Variants in PHF2 observed in about 807,000 individuals in gnomAD.
PHF2 encodes PHD finger protein 2, also known as lysine-specific demethylase PHF2.
Under a neutral mutation model 120.5 loss-of-function variants are expected in PHF2, and 27 were observed. The ratio of observed to expected loss-of-function variants is 0.22; its 90% confidence interval spans 0.17 to 0.31. The LOEUF (loss-of-function observed/expected upper bound fraction) is 0.31, where lower values mean the gene tolerates loss of function less well. PHF2 is among the 10% of genes least tolerant of loss of function. The probability of loss-of-function intolerance (pLI) is 1.00; values close to 1 mark genes in which losing one functional copy is unlikely to be tolerated. For missense variants in PHF2, 1,024 were observed against 1,434.8 expected (o/e 0.71, Z 4.63); for synonymous variants, 568 against 592.5 (o/e 0.96, Z 0.60).
intron 14 of PHF2, among the ~76,000 whole-genome samples, chr9:93,663,978 G>A (rs764576002): frequency 1.5e-4 from 23 of 152,378 alleles, no homozygotes; most frequent in Admixed American, 4.6e-4. Context: ...TCCACCTGTA[G>A]TGTGGGTGTG....
chr9:93,602,641 G>A (rs1044831773), intron 1 of PHF2, among the ~76,000 whole-genome samples: 1 of 151,732 alleles, frequency 6.6e-6, no homozygotes, highest in Admixed American at 6.6e-5. Flanking sequence ...TTTTTTCCCA[G>A]CAAGCTCATG....
chr9:93,612,173 C>G (rs1825647469), intron 1 of PHF2, among the ~76,000 whole-genome samples: 1 of 152,220 alleles, frequency 6.6e-6, no homozygotes, highest in African/African-American at 2.4e-5. Context: ...CAGAATATTC[C>G]TCTCAGTCTC....
intron 1 of PHF2, among the ~76,000 whole-genome samples, chr9:93,629,231 G>T (rs1302671924): frequency 6.6e-6 from 1 of 152,134 alleles, no homozygotes; most frequent in Non-Finnish European, 1.5e-5. Flanking sequence ...AAAAGTATCA[G>T]AATAAAACAA....
In PHF2 at chr9:93,677,714, C is replaced by A. The variant is rs1180381161; in HGVS notation, c.*38C>A. 6 of 1,485,724 alleles carry A rather than the reference C, an allele frequency of 4.0e-6. No individual in the cohort carries two copies. The East Asian group carries it at 9.1e-5, about 22-fold the overall frequency. 92.0% of individuals were successfully genotyped at this position (1,485,724 alleles called of 1,614,324 possible). On this transcript the variant is annotated 3_prime_UTR_variant, in exon 22 of 22. Transcript: ENST00000359246. This position sits in a 1 kb window ranked among gnomAD's most constrained non-coding sequence, Gnocchi z 4.4. ...CAGGATCCTTCTGCTCCGCTCAGGA[C>A]CCCCGGAGCCCCGCGAAAACATCTG...
chr9:93,649,399 A>G (rs140519888), intron 5 of PHF2, among the ~76,000 whole-genome samples, 187 bp downstream of exon 5: 443 of 30,204 alleles, frequency 0.015, 2 homozygotes, highest in African/African-American at 0.055. Context: ...TTTTTTTTTT[A>G]TAAGACTGGC....
chr9:93,585,792 T>C (rs1232005074), intron 1 of PHF2, among the ~76,000 whole-genome samples: 1 of 152,232 alleles, frequency 6.6e-6, no homozygotes. Flanking sequence ...CTTCCCCTTA[T>C]AAAACCCCAT....
intron 1 of PHF2, chr9:93,594,713 A>G (rs972429768): frequency 1.3e-5 from 2 of 152,222 alleles, no homozygotes. Context: ...GTGGATTGCA[A>G]GGTACATGGG....
Position 93,663,438 on chromosome 9 carries a change from C to T in PHF2, c.1819-79C>T. ...TTAGTCGTGTTCCCAGTAGCTGCCT[C>T]TTCTCACTGACACTAATTGGGGTCC... is the stretch of plus-strand genomic sequence containing the variant. On this transcript the variant is annotated intron_variant, in intron 13 of 21. Transcript: ENST00000359246. The T allele has an allele frequency of 3.4e-6, 3 of 872,426 alleles. 1 individual carries two copies. The South Asian group carries it at 4.7e-5, about 14-fold the overall frequency. 54.0% of individuals were successfully genotyped at this position (872,426 alleles called of 1,614,324 possible). A position where few individuals can be genotyped will look rare whatever the true frequency, so the allele number is the denominator to read the frequency against.
intron 3 of PHF2, among the ~76,000 whole-genome samples, chr9:93,641,752 C>A (rs1209277607): frequency 6.6e-6 from 1 of 152,310 alleles, no homozygotes; most frequent in Middle Eastern, 3.4e-3. Flanking sequence ...TTCTTGACAG[C>A]GTCATTTGAA....
At chr9:93,583,277 A>G (rs1261030229) in intron 1 of PHF2, among the ~76,000 whole-genome samples, 1 of 152,212 alleles carries the variant, frequency 6.6e-6, no homozygotes, top group Non-Finnish European at 1.5e-5. Flanking sequence ...ATAATATTTC[A>G]TTGTGTGGAT....
chr9:93,664,765 ACT>A (rs1826644536), intron 14 of PHF2, among the ~76,000 whole-genome samples: 1 of 152,022 alleles, frequency 6.6e-6, no homozygotes, highest in African/African-American at 2.4e-5. Context: ...AACGGCATTC[ACT>A]CTGTGACGGT....
chr9:93,633,476 T>C (rs1019643381), intron 2 of PHF2, among the ~76,000 whole-genome samples: 14 of 152,222 alleles, frequency 9.2e-5, no homozygotes, highest in Admixed American at 9.2e-4. Context: ...CGCCCTGCCC[T>C]GTGGGGTTGG....
intron 3 of PHF2, among the ~76,000 whole-genome samples, chr9:93,643,777 C>CCAGAT (rs1826207969): frequency 6.6e-6 from 1 of 152,158 alleles, no homozygotes; most frequent in Admixed American, 6.5e-5. Context: ...ACATGTGTCC[C>CCAGAT]CAGATCAGAT....
At chr9:93,662,257 C>A (rs1017070531) in intron 12 of PHF2, among the ~76,000 whole-genome samples, 3 of 145,990 alleles carry the variant, frequency 2.1e-5, no homozygotes, top group Non-Finnish European at 4.5e-5. Context: ...ATGGACTGAT[C>A]GATGGATAAA....
chr9:93,658,097 C>G (rs1826491934), intron 9 of PHF2, 48 bp from the exon 10 acceptor site: 2 of 1,370,450 alleles, frequency 1.5e-6, no homozygotes, highest in Non-Finnish European at 2.1e-6. Context: ...ATGAAGGCAC[C>G]TGTGGGCAGC....
intron 1 of PHF2, chr9:93,595,021 G>A (rs1242108368): frequency 3.9e-5 from 6 of 152,510 alleles, no homozygotes; most frequent in Non-Finnish European, 7.4e-5. Flanking sequence ...CAGGTACTCA[G>A]GTACTTACAA....
chr9:93,656,131 G>A lies in PHF2; in HGVS notation c.1040+110G>A, dbSNP rs1826455722. The A allele has an allele frequency of 1.2e-6, 1 of 854,944 alleles. No homozygotes were observed. Among genetic ancestry groups the A allele is most frequent in the Admixed American group, 2.1e-5 (1 of 47,298 alleles). 53.0% of individuals were successfully genotyped at this position (854,944 alleles called of 1,614,324 possible). A position where few individuals can be genotyped will look rare whatever the true frequency, so the allele number is the denominator to read the frequency against. The stretch of plus-strand genomic sequence containing the variant: ...GAGTCCTGGCACAGCCCGCCTGTGG[G>A]TGGCCTGGACATGACCGTCAGCCTC... On this transcript the variant is annotated intron_variant, in intron 8 of 21. Transcript: ENST00000359246. This position sits in a 1 kb window ranked among gnomAD's most constrained non-coding sequence, Gnocchi z 4.1.
Position 93,679,183 on chromosome 9 carries a change from T to C in PHF2, c.*1507T>C, listed in dbSNP as rs776399495. ...GAGCTTTGTTTATATACCCATTACC[T>C]GGATGTTTTTGTCCACTGGGAGAGG... On this transcript the variant is annotated 3_prime_UTR_variant, in exon 22 of 22. Coordinates refer to ENST00000359246, the MANE Select transcript of PHF2 (RefSeq NM_005392.4). 2 of 454,118 alleles carry C rather than the reference T, an allele frequency of 4.4e-6. No homozygotes were observed. Among genetic ancestry groups the C allele is most frequent in the Non-Finnish European group, 8.8e-6 (2 of 226,462 alleles). 28.1% of individuals were successfully genotyped at this position (454,118 alleles called of 1,614,324 possible).
At chr9:93,666,726 T>G (rs543131799) in intron 16 of PHF2, among the ~76,000 whole-genome samples, 62 of 152,182 alleles carry the variant, frequency 4.1e-4, no homozygotes, top group Non-Finnish European at 7.6e-4. Flanking sequence ...GTCAGGAGAT[T>G]GAGACCATCC....
Sources: gnomAD v4.1 joint callset for allele counts (sites outside exome capture counted in the v4.1 genomes callset) on GRCh38, gnomAD v4.1.1 for gene constraint, Gnocchi (gnomAD v3.1) non-coding constraint, MANE v1.5 for transcripts, NCBI Gene and HGNC (gene_info 2026-07-23, HGNC 2026-07-21) for gene names.